The following JAK2 variants were observed in gnomAD, a reference collection of about 807,000 sequenced individuals.
JAK2 encodes the protein tyrosine-protein kinase JAK2.
Under a neutral mutation model 139.3 loss-of-function variants are expected in JAK2, and 86 were observed. That is an observed-to-expected ratio of 0.62 (90% CI 0.52 to 0.74). The LOEUF (loss-of-function observed/expected upper bound fraction) is 0.74. Ranked by LOEUF, JAK2 falls within the 30% of genes least tolerant of loss-of-function variation. The pLI is 0.00. For synonymous variants in JAK2, 490 were observed against 437.7 expected, an observed-to-expected ratio of 1.12 and a Z score of -1.49; for missense variants, 1,421 against 1,360.3, an observed-to-expected ratio of 1.04 and a Z score of -0.70.
intron 22 of JAK2, among the ~76,000 whole-genome samples, chr9:5,113,191 CTTTTTTTTTTTTTTT>C (rs531374595): frequency 1.7e-5 from 1 of 57,160 alleles, no homozygotes; most frequent in Non-Finnish European, 2.9e-5. Flanking sequence ...CTGGCAGGAG[CTTTTTTTTTTTTTTT>C]TTTTTTTTTT....
chr9:5,023,896 T>A (rs2130094045), intron 3 of JAK2, among the ~76,000 whole-genome samples: 1 of 152,286 alleles, frequency 6.6e-6, no homozygotes, highest in East Asian at 1.9e-4. Flanking sequence ...CTTGTAAGAT[T>A]TTTTTAGCTT....
chr9:5,003,881 T>G (rs1332589960), intron 2 of JAK2, among the ~76,000 whole-genome samples: 2 of 152,092 alleles, frequency 1.3e-5, no homozygotes, highest in African/African-American at 4.8e-5. Flanking sequence ...TATTCCTAGT[T>G]TGAGATTTTA....
At position 5,090,845 on chromosome 9, in the gene JAK2, C is replaced by G; in HGVS notation, c.2993C>G (p.Thr998Ser). 1.9e-6 allele frequency: 3 copies of G among 1,613,256 alleles called. No homozygotes were observed. The highest frequency in any genetic ancestry group is 1.3e-5 in the African/African-American group (1 of 74,968). ...NRVKIGDFGL[T>S]KVLPQDKEYY... Reference sequence around the variant, plus strand: ...GTTAAAATTGGAGATTTTGGGTTAACCAAAGTCTTGCCACAAGACAAAGAA... The same window carrying G: ...GTTAAAATTGGAGATTTTGGGTTAAGCAAAGTCTTGCCACAAGACAAAGAA... The change falls in exon 22 of 25, where the codon ACC (threonine) becomes AGC (serine). Residue 998 changes from threonine to serine, a missense_variant. By Grantham distance (58) the Thr-to-Ser change is moderately conservative. Transcript: ENST00000381652.
Position 5,069,019 on chromosome 9 carries a change from C to T in JAK2, c.1327-3C>T, listed in dbSNP as rs766444269. ...CCCTTTCTTTATAATTAAACTTATA[C>T]AGCGAGAAAATGTCATTGAATATAA... On this transcript the variant is annotated splice_polypyrimidine_tract_variant and splice_region_variant and intron_variant, in intron 10 of 24. Transcript: ENST00000381652. 6.5e-7 allele frequency: 1 copy of T among 1,545,326 alleles called. No individual in the cohort carries two copies. Among genetic ancestry groups the T allele is most frequent in the Admixed American group, 1.9e-5 (1 of 53,834 alleles).
At chr9:5,001,269 C>A (rs374366977) in intron 2 of JAK2, among the ~76,000 whole-genome samples, 1 of 152,040 alleles carries the variant, frequency 6.6e-6, no homozygotes, top group Admixed American at 6.6e-5. Context: ...TTTCCTTGTT[C>A]CTGATTTTAT....
At chr9:5,003,243 T>G (rs549076721) in intron 2 of JAK2, among the ~76,000 whole-genome samples, 3 of 152,124 alleles carry the variant, frequency 2.0e-5, no homozygotes, top group South Asian at 4.1e-4. Flanking sequence ...ACTTGTAAAT[T>G]TCCACAAAAA....
chr9:5,109,857 T>C (rs1822295208), intron 22 of JAK2: 1 of 152,182 alleles, frequency 6.6e-6, no homozygotes, highest in Non-Finnish European at 1.5e-5. Flanking sequence ...ATTCTTCCAA[T>C]ATTCCACCAA....
chr9:5,032,280 C>T (rs1006310350), intron 4 of JAK2, among the ~76,000 whole-genome samples: 1 of 152,250 alleles, frequency 6.6e-6, no homozygotes. Context: ...CCCACCACAG[C>T]TCAAGGAGGC....
At chr9:4,989,308 T>C (rs1820122042) in intron 2 of JAK2, among the ~76,000 whole-genome samples, 1 of 152,212 alleles carries the variant, frequency 6.6e-6, no homozygotes, top group African/African-American at 2.4e-5. Context: ...TTTTCCTCTA[T>C]TTCTGTAGCT....
At chr9:5,030,346 G>C (rs934691581) in intron 4 of JAK2, among the ~76,000 whole-genome samples, 4 of 152,096 alleles carry the variant, frequency 2.6e-5, no homozygotes, top group African/African-American at 4.8e-5. Flanking sequence ...CAAATTGTAA[G>C]TTAATTTATA....
intron 5 of JAK2, among the ~76,000 whole-genome samples, chr9:5,048,699 T>G (rs1352193720): frequency 6.6e-6 from 1 of 152,226 alleles, no homozygotes; most frequent in African/African-American, 2.4e-5. Flanking sequence ...GAAAATATCT[T>G]CTATATTTTA....
intron 7 of JAK2, among the ~76,000 whole-genome samples, 200 bp from the exon 8 acceptor site, chr9:5,055,469 C>A (rs1346671267): frequency 6.6e-6 from 1 of 151,828 alleles, no homozygotes; most frequent in Non-Finnish European, 1.5e-5. Context: ...TCATTTAATG[C>A]CCTCATTTTT....
chr9:5,060,121 T>C (rs940400422), intron 8 of JAK2, among the ~76,000 whole-genome samples: 10 of 152,336 alleles, frequency 6.6e-5, no homozygotes, highest in African/African-American at 1.9e-4. Flanking sequence ...AACAGCATTA[T>C]GTCTTAAAAA....
intron 3 of JAK2, among the ~76,000 whole-genome samples, chr9:5,028,906 CTT>C (rs1246633415): frequency 6.6e-6 from 1 of 152,168 alleles, no homozygotes; most frequent in African/African-American, 2.4e-5. Flanking sequence ...ACCACTCAAA[CTT>C]TTGTCACATC....
chr9:5,122,912 T>C, intron 22 of JAK2, 92 bp from the exon 23 acceptor site: 2 of 758,406 alleles, frequency 2.6e-6, no homozygotes, highest in Admixed American at 2.9e-5. Flanking sequence ...CTCTACATGT[T>C]TTTTTTTTTA....
chr9:5,095,010 C>G (rs1820877255), intron 22 of JAK2: 1 of 152,054 alleles, frequency 6.6e-6, no homozygotes, highest in South Asian at 2.1e-4. Context: ...GCATTCCACC[C>G]CAAACATAGG....
At chr9:5,080,766 T>C (rs954303282) in intron 18 of JAK2, 83 bp downstream of exon 18, 3 of 1,087,414 alleles carry the variant, frequency 2.8e-6, no homozygotes, top group East Asian at 2.7e-5. Context: ...TTTAATTCCT[T>C]TAAAACATTT....
chr9:5,080,464 C>T (rs1819610961), intron 17 of JAK2, 69 bp from the exon 18 acceptor site: 1 of 1,534,968 alleles, frequency 6.5e-7, no homozygotes, highest in Non-Finnish European at 8.8e-7. Context: ...TTTAGCCCAT[C>T]TAATTTTAAA....
chr9:4,990,606 A>C (rs185528478), intron 2 of JAK2, among the ~76,000 whole-genome samples: 51 of 150,908 alleles, frequency 3.4e-4, no homozygotes, highest in African/African-American at 1.3e-3. Context: ...AAGGAGACAA[A>C]GAAAAAAACA....
Sources: gnomAD v4.1 joint callset for allele counts (sites outside exome capture counted in the v4.1 genomes callset) on GRCh38, gnomAD v4.1.1 for gene constraint, MANE v1.5 for transcripts, NCBI Gene and HGNC (gene_info 2026-07-23, HGNC 2026-07-21) for gene names.